Variants in NTAQ1 observed in about 807,000 individuals in gnomAD.
The protein encoded by NTAQ1 is N-terminal glutamine amidase 1.
Under a neutral mutation model 28.2 loss-of-function variants are expected in NTAQ1, and 21 were observed. The ratio of observed to expected loss-of-function variants is 0.74; its 90% CI spans 0.53 to 1.07. The LOEUF is 1.07. Ranked by LOEUF, NTAQ1 falls within the 50% of genes least tolerant of loss-of-function variation. The pLI, the probability that NTAQ1 is intolerant of heterozygous loss-of-function variation, is 0.00. For missense variants in NTAQ1, 264 were observed against 256.6 expected (o/e 1.03, Z -0.20); for synonymous variants, 105 against 90.0 (o/e 1.17, Z -0.94).
At chr8:123,452,863 C>A (rs991517000), downstream of NTAQ1, among the ~76,000 whole-genome samples, 1 of 152,140 alleles carries the variant, frequency 6.6e-6, no homozygotes, top group African/African-American at 2.4e-5. Context: ...TGCACTCCAG[C>A]CTGGGCAACC....
intron 4 of NTAQ1, 126 bp downstream of exon 4, chr8:123,436,727 T>A: frequency 2.0e-6 from 2 of 1,004,498 alleles, no homozygotes; most frequent in Non-Finnish European, 2.9e-6. Flanking sequence ...TGAGTTGATG[T>A]TTAAGAATGA....
At chr8:123,419,306 C>T (rs1813522609) in intron 1 of NTAQ1, among the ~76,000 whole-genome samples, 1 of 152,064 alleles carries the variant, frequency 6.6e-6, no homozygotes, top group South Asian at 2.1e-4. Context: ...ACCACATTGG[C>T]TGGGCTGGTC....
chr8:123,463,825 T>C (rs1447323962), intron 6 of NTAQ1, among the ~76,000 whole-genome samples: 2 of 152,196 alleles, frequency 1.3e-5, no homozygotes, highest in Non-Finnish European at 2.9e-5. Context: ...GATGGTGATA[T>C]TTGGTTGTGT....
chr8:123,423,632 CT>C lies in NTAQ1; in HGVS notation c.84-4284del, dbSNP rs1006940774. 4.6e-5 allele frequency among the ~76,000 whole-genome samples: 7 copies of C among 151,808 alleles called. No homozygotes were observed. In the East Asian group the frequency reaches 5.8e-4, roughly 13 times the overall value. On this transcript the variant is annotated intron_variant, in intron 1 of 5. Transcript: ENST00000287387. ...TTTCCGAGTATAAGATCATCTCCCC[CT>C]TTTTTTTAACATTGAAACTTTCATG...
At chr8:123,427,247 C>CTTTTTTTT (rs33920843) in intron 1 of NTAQ1, among the ~76,000 whole-genome samples, 17 of 81,596 alleles carry the variant, frequency 2.1e-4, no homozygotes, top group South Asian at 5.6e-4. Flanking sequence ...ATGGTCAAAG[C>CTTTTTTTT]TTTTTTTTTT....
At chr8:123,438,239 G>C (rs1814842952) in intron 5 of NTAQ1, 1 of 698,970 alleles carries the variant, frequency 1.4e-6, no homozygotes, top group Non-Finnish European at 2.6e-6. Context: ...ATTTACGTTT[G>C]TAAGTAATTC....
chr8:123,455,360 G>A (rs1227076980), intron 6 of NTAQ1, among the ~76,000 whole-genome samples: 1 of 151,866 alleles, frequency 6.6e-6, no homozygotes, highest in Non-Finnish European at 1.5e-5. Flanking sequence ...GCTGTTTCCA[G>A]CGAGGACCTG....
At chr8:123,455,421 A>T (rs979511516) in intron 6 of NTAQ1, among the ~76,000 whole-genome samples, 1 of 115,482 alleles carries the variant, frequency 8.7e-6, no homozygotes, top group Non-Finnish European at 1.7e-5. Context: ...ATGCCCAGAA[A>T]TTTTTTTTTT....
At chr8:123,446,658 T>A (rs1815303574), downstream of NTAQ1, among the ~76,000 whole-genome samples, 1 of 152,182 alleles carries the variant, frequency 6.6e-6, no homozygotes. Flanking sequence ...GCCCTGGTGC[T>A]CCTCCACTCA....
chr8:123,418,662 ACAG>A (rs1413166603), intron 1 of NTAQ1, among the ~76,000 whole-genome samples: 1 of 152,164 alleles, frequency 6.6e-6, no homozygotes, highest in Non-Finnish European at 1.5e-5. Context: ...AGCAGGGAGA[ACAG>A]CAGGTACAAA....
At chr8:123,448,171 G>A (rs1358319254), downstream of NTAQ1, 1 of 152,170 alleles carries the variant, frequency 6.6e-6, no homozygotes, top group Non-Finnish European at 1.5e-5. Flanking sequence ...AGTATATTGT[G>A]GAACTCTTTC....
At chr8:123,417,667 A>C (rs1016086428) in intron 1 of NTAQ1, among the ~76,000 whole-genome samples, 4 of 152,086 alleles carry the variant, frequency 2.6e-5, no homozygotes, top group Non-Finnish European at 4.4e-5. Flanking sequence ...GTCCTTGTAC[A>C]GGAAACCTCA....
chr8:123,454,447 C>A (rs1305704939), intron 6 of NTAQ1, among the ~76,000 whole-genome samples: 2 of 152,134 alleles, frequency 1.3e-5, no homozygotes, highest in African/African-American at 4.8e-5. Context: ...CAGCTCACCA[C>A]AACTCCACCT....
downstream of NTAQ1, among the ~76,000 whole-genome samples, chr8:123,474,859 C>T (rs1207838780): frequency 6.6e-6 from 1 of 152,144 alleles, no homozygotes; most frequent in African/African-American, 2.4e-5. Flanking sequence ...TGCACTCTAG[C>T]CTGGGGGATA....
intron 2 of NTAQ1, 61 bp downstream of exon 2, chr8:123,428,084 A>G: frequency 8.8e-7 from 1 of 1,138,262 alleles, no homozygotes; most frequent in South Asian, 1.4e-5. Context: ...TAGAAGCTAA[A>G]TTAAAAAAAA....
chr8:123,436,609 C>T lies in NTAQ1; in HGVS notation c.383+8C>T. ...TCACCCACAGTTTAGGAGGTGAGGA[C>T]ATTCAAGATGGATTTACTTATTTTC... On this transcript the variant is annotated splice_region_variant and intron_variant, in intron 4 of 5. Transcript: ENST00000287387. 1 of 1,607,436 alleles carries T rather than the reference C, an allele frequency of 6.2e-7. No individual in the cohort carries two copies. The highest frequency in any genetic ancestry group is 8.5e-7 in the Non-Finnish European group (1 of 1,177,942).
intron 1 of NTAQ1, among the ~76,000 whole-genome samples, chr8:123,417,296 C>T (rs1255858856): frequency 6.6e-6 from 1 of 152,030 alleles, no homozygotes; most frequent in East Asian, 1.9e-4. Context: ...AGGTGAAGGT[C>T]ATTTTAATTT....
chr8:123,469,041 G>T (rs1170891013), exon 7 of NTAQ1, among the ~76,000 whole-genome samples: 1 of 152,080 alleles, frequency 6.6e-6, no homozygotes, highest in African/African-American at 2.4e-5. Context: ...GTCTGTTCAA[G>T]TACTTTGCCC....
At chr8:123,443,437 C>T (rs1815154918), downstream of NTAQ1, among the ~76,000 whole-genome samples, 1 of 152,248 alleles carries the variant, frequency 6.6e-6, no homozygotes, top group South Asian at 2.1e-4. Flanking sequence ...TGTAACACTA[C>T]CGCTTCAATA....
Sources: gnomAD v4.1 joint callset for allele counts (sites outside exome capture counted in the v4.1 genomes callset) on GRCh38, gnomAD v4.1.1 for gene constraint, MANE v1.5 for transcripts, NCBI Gene and HGNC (gene_info 2026-07-23, HGNC 2026-07-21) for gene names.